Variants in PELO observed in about 807,000 individuals in gnomAD.
The protein encoded by PELO is pelota mRNA surveillance and ribosome rescue factor.
In PELO, 19 loss-of-function variants were observed where a neutral mutation model predicts 25.9. That is an observed-to-expected ratio of 0.73 (90% CI 0.51 to 1.08). The LOEUF (loss-of-function observed/expected upper bound fraction) is 1.08. Ranked by LOEUF, PELO falls within the 50% of genes least tolerant of loss-of-function variation. PELO has a pLI of 0.00. For missense variants in PELO, 498 were observed against 491.4 expected (o/e 1.01, Z -0.13); for synonymous variants, 196 against 192.2 (o/e 1.02, Z -0.16).
At chr5:52,798,109 T>A (rs1401132422) in intron 1 of PELO, among the ~76,000 whole-genome samples, 1 of 152,210 alleles carries the variant, frequency 6.6e-6, no homozygotes, top group African/African-American at 2.4e-5. Flanking sequence ...ACAAGATACT[T>A]TTTTTAAAAT....
chr5:52,795,601 A>G (rs1250578307), intron 1 of PELO, among the ~76,000 whole-genome samples: 3 of 151,914 alleles, frequency 2.0e-5, no homozygotes, highest in African/African-American at 7.2e-5. Flanking sequence ...ACATAAATAA[A>G]TGTACCCCAA....
chr5:52,793,438 T>A (rs563506708), intron 1 of PELO, among the ~76,000 whole-genome samples: 1 of 152,160 alleles, frequency 6.6e-6, no homozygotes, highest in African/African-American at 2.4e-5. Context: ...AGTTGAAAGA[T>A]GCACCATTAT....
chr5:52,796,554 G>T (rs1440437146), intron 1 of PELO, among the ~76,000 whole-genome samples: 1 of 151,926 alleles, frequency 6.6e-6, no homozygotes, highest in African/African-American at 2.4e-5. Context: ...AACTACAGCA[G>T]TTTCTGAACT....
In PELO at chr5:52,790,807, T is replaced by A. The variant is rs374737219; in HGVS notation, c.-511+2393T>A. ...GGTTCCAGGCATTAGGTCATGGATATCTTTGGGAGACCATTATTCTGCCTA... is the reference window on the plus strand; with the variant it reads ...GGTTCCAGGCATTAGGTCATGGATAACTTTGGGAGACCATTATTCTGCCTA... On this transcript the variant is annotated intron_variant, in intron 1 of 2. Transcript: ENST00000274311. Among the ~76,000 whole-genome samples the A allele has an allele frequency of 4.6e-5, 7 of 152,344 alleles. No individual in the cohort carries two copies. In the South Asian group the frequency reaches 1.4e-3, roughly 32 times the overall value.
At chr5:52,799,183 G>GT (rs1323919735) in intron 1 of PELO, among the ~76,000 whole-genome samples, 5 of 152,232 alleles carry the variant, frequency 3.3e-5, no homozygotes, top group South Asian at 2.1e-4. Context: ...AGATTCTTTT[G>GT]TTTTTTCTAT....
Position 52,800,637 on chromosome 5 carries a change from G to A in PELO, c.243G>A (p.Leu81=), listed in dbSNP as rs367564121. The change falls in exon 2 of 3, where the codon CTG becomes CTA. Residue 81 remains leucine (L), a synonymous_variant. Transcript: ENST00000274311. ...AIDFDSQACQ[L]RVKGTNIQEN... ...ACTTCGACTCTCAAGCCTGCCAGCTGCGGGTTAAGGGGACCAACATCCAAG... is the reference window on the plus strand; with the variant it reads ...ACTTCGACTCTCAAGCCTGCCAGCTACGGGTTAAGGGGACCAACATCCAAG... 2 of 1,614,140 alleles carry A rather than the reference G, an allele frequency of 1.2e-6. No homozygotes were observed. The highest frequency in any genetic ancestry group is 1.3e-5 in the African/African-American group (1 of 75,052).
intron 1 of PELO, among the ~76,000 whole-genome samples, chr5:52,789,091 A>C (rs1163073558): frequency 3.3e-5 from 5 of 152,200 alleles, no homozygotes; most frequent in Non-Finnish European, 7.3e-5. Context: ...ATTTTTAAGG[A>C]GGGGACTTAA....
rs1239938336 is a variant in PELO at position 52,801,917 on chromosome 5, A to C, written c.*77A>C. The C allele has an allele frequency of 3.4e-6, 4 of 1,161,752 alleles. No homozygotes were observed. Among genetic ancestry groups the C allele is most frequent in the Non-Finnish European group, 4.8e-6 (4 of 836,230 alleles). The allele number at this position is 1,161,752 out of a possible 1,614,324, so 72.0% of individuals were successfully genotyped here. A position where few individuals can be genotyped will look rare whatever the true frequency, so the allele number is the denominator to read the frequency against. On this transcript the variant is annotated 3_prime_UTR_variant, in exon 3 of 3. Coordinates refer to ENST00000274311, the MANE Select transcript of PELO (RefSeq NM_015946.5). ...ACATTTCTCAGCATCCTTGTGACAG[A>C]AAGCTGCAAGAATGGCACTTTTTGA...
intron 1 of PELO, among the ~76,000 whole-genome samples, chr5:52,799,495 A>G (rs1748410382): frequency 1.3e-5 from 2 of 152,200 alleles, no homozygotes; most frequent in Admixed American, 6.5e-5. Flanking sequence ...CAAGCAACTG[A>G]GAGGTCCACC....
Position 52,803,275 on chromosome 5 carries a change from C to T in PELO, c.*1435C>T, listed in dbSNP as rs934773920. The T allele has an allele frequency of 1.3e-5, 2 of 152,154 alleles. No homozygotes were observed. The highest frequency in any genetic ancestry group is 2.9e-5 in the Non-Finnish European group (2 of 68,032). 9.4% of individuals were successfully genotyped at this position (152,154 alleles called of 1,614,324 possible). On this transcript the variant is annotated 3_prime_UTR_variant, in exon 3 of 3. Coordinates refer to ENST00000274311, the MANE Select transcript of PELO (RefSeq NM_015946.5). ...CTCACATATGTATATTTTTGTACAT[C>T]TATCTCCTAATTCAAAAGTAATTGA...
chr5:52,799,330 T>C (rs543905810), intron 1 of PELO, among the ~76,000 whole-genome samples: 1 of 152,316 alleles, frequency 6.6e-6, no homozygotes, highest in Admixed American at 6.5e-5. Context: ...TTTTCCCCAC[T>C]TCCCATAGCC....
Position 52,803,853 on chromosome 5 carries a change from C to A in PELO, c.*2013C>A, listed in dbSNP as rs940828529. 5.3e-5 allele frequency: 8 copies of A among 152,126 alleles called. No homozygotes were observed. Among genetic ancestry groups the A allele is most frequent in the Admixed American group, 5.2e-4 (8 of 15,276 alleles). The allele number at this position is 152,126 out of a possible 1,614,324, so 9.4% of individuals were successfully genotyped here. A position where few individuals can be genotyped will look rare whatever the true frequency, so the allele number is the denominator to read the frequency against. ...CCTGTGCATAATAAAATCTGATAAA[C>A]AAAGGCAATAGGTTATTCTTCCTGT... On this transcript the variant is annotated 3_prime_UTR_variant, in exon 3 of 3. Coordinates refer to ENST00000274311, the MANE Select transcript of PELO (RefSeq NM_015946.5).
Position 52,801,948 on chromosome 5 carries a change from A to G in PELO, c.*108A>G. ...GCAAGAATGGCACTTTTTGATTCATACAGGGATTTCTTATGTCTTTGGCTA... is the reference window on the plus strand; with the variant it reads ...GCAAGAATGGCACTTTTTGATTCATGCAGGGATTTCTTATGTCTTTGGCTA... On this transcript the variant is annotated 3_prime_UTR_variant, in exon 3 of 3. Coordinates refer to ENST00000274311, the MANE Select transcript of PELO (RefSeq NM_015946.5). 1 of 763,900 alleles carries G rather than the reference A, an allele frequency of 1.3e-6. No homozygotes were observed. The highest frequency in any genetic ancestry group is 1.9e-5 in the South Asian group (1 of 52,492). The allele number at this position is 763,900 out of a possible 1,614,324, so 47.3% of individuals were successfully genotyped here.
chr5:52,787,985 G>T lies in PELO; in HGVS notation c.-940G>T. 4.6e-6 allele frequency: 1 copy of T among 216,602 alleles called. No individual in the cohort carries two copies. The highest frequency in any genetic ancestry group is 9.1e-6 in the Non-Finnish European group (1 of 110,344). The allele number at this position is 216,602 out of a possible 1,614,324, so 13.4% of individuals were successfully genotyped here. A position where few individuals can be genotyped will look rare whatever the true frequency, so the allele number is the denominator to read the frequency against. On this transcript the variant is annotated 5_prime_UTR_variant, in exon 1 of 3. The change abolishes an upstream ATG in the 5' untranslated region. Coordinates refer to ENST00000274311, the MANE Select transcript of PELO (RefSeq NM_015946.5). ...ATCACCCTCTCAATGAAAGGCAGAT[G>T]TCCCTTTAAGGTTTGCTTCTACAGC... is the stretch of plus-strand genomic sequence containing the variant.
At position 52,801,994 on chromosome 5, in the gene PELO, G is replaced by GC. The variant is rs1748498662; in HGVS notation, c.*155dup. On this transcript the variant is annotated 3_prime_UTR_variant, in exon 3 of 3. Coordinates refer to ENST00000274311, the MANE Select transcript of PELO (RefSeq NM_015946.5). The stretch of plus-strand genomic sequence containing the variant: ...GGCTACACTAGATATTTTGTGATTG[G>GC]CAAGACATGTATTTAAACAATAAAC... 1 of 569,296 alleles carries GC rather than the reference G, an allele frequency of 1.8e-6. No individual in the cohort carries two copies. The highest frequency in any genetic ancestry group is 1.9e-5 in the African/African-American group (1 of 53,284). 35.3% of individuals were successfully genotyped at this position (569,296 alleles called of 1,614,324 possible). A position where few individuals can be genotyped will look rare whatever the true frequency, so the allele number is the denominator to read the frequency against.
In PELO at chr5:52,801,667, T is replaced by C. The variant is rs1341950676; in HGVS notation, c.985T>C (p.Tyr329His). Residue 329 changes from tyrosine (Y) to histidine (H), a missense_variant, in exon 3 of 3, where the codon TAT (tyrosine) becomes CAT (histidine). By Grantham distance (83) the Tyr-to-His change is moderately conservative (BLOSUM62 2). Coordinates refer to ENST00000274311, the MANE Select transcript of PELO (RefSeq NM_015946.5). ...RHQDVATRSR[Y>H]VRLVDSVKEN... ...TCAGGATGTAGCCACACGGAGCCGG[T>C]ATGTGAGGCTGGTGGACAGTGTGAA... 9.3e-6 allele frequency: 15 copies of C among 1,613,980 alleles called. No individual in the cohort carries two copies. The highest frequency in any genetic ancestry group is 1.3e-5 in the Non-Finnish European group (15 of 1,180,010).
At chr5:52,796,834 T>C (rs780056165) in intron 1 of PELO, among the ~76,000 whole-genome samples, 1 of 152,052 alleles carries the variant, frequency 6.6e-6, no homozygotes, top group Non-Finnish European at 1.5e-5. Flanking sequence ...GAGATAACAT[T>C]TAAGCTGGAC....
intron 1 of PELO, among the ~76,000 whole-genome samples, chr5:52,789,043 A>G (rs1448519443): frequency 6.6e-6 from 1 of 152,228 alleles, no homozygotes; most frequent in Non-Finnish European, 1.5e-5. Flanking sequence ...TACTTTTAAG[A>G]TGCAAAATAT....
rs2111671153 is a variant in PELO, at chr5:52,803,707, A to G, written c.*1867A>G. 6.6e-6 allele frequency: 1 copy of G among 152,294 alleles called. No homozygotes were observed. Among genetic ancestry groups the G allele is most frequent in the East Asian group, 1.9e-4 (1 of 5,174 alleles). The allele number at this position is 152,294 out of a possible 1,614,324, so 9.4% of individuals were successfully genotyped here. On this transcript the variant is annotated 3_prime_UTR_variant, in exon 3 of 3. Transcript: ENST00000274311. Reference sequence around the variant, plus strand: ...AATAGCCACTGATTCAGGCCTTGCTATTCAAAAGTATGGTCCGTAAACCAG... The same window carrying G: ...AATAGCCACTGATTCAGGCCTTGCTGTTCAAAAGTATGGTCCGTAAACCAG...
Sources: gnomAD v4.1 joint callset for allele counts (sites outside exome capture counted in the v4.1 genomes callset) on GRCh38, gnomAD v4.1.1 for gene constraint, MANE v1.5 for transcripts, NCBI Gene and HGNC (gene_info 2026-07-23, HGNC 2026-07-21) for gene names.